MAGI3: variants seen among roughly 807,000 people sequenced by gnomAD.
MAGI3 encodes the protein membrane-associated guanylate kinase, WW and PDZ domain-containing protein 3.
MAGI3 carries 43 observed loss-of-function variants against 121.8 expected under a neutral mutation model. The observed-to-expected ratio is 0.35, with a 90% CI of 0.28 to 0.46. The LOEUF (loss-of-function observed/expected upper bound fraction) is 0.46. MAGI3 is among the 20% of genes least tolerant of loss of function. The pLI is 1.00. For missense variants in MAGI3, 1,547 were observed against 1,797.3 expected, an observed-to-expected ratio of 0.86 and a Z score of 2.52; for synonymous variants, 553 against 639.3, an observed-to-expected ratio of 0.86 and a Z score of 2.04.
chr1:113,608,977 G>A (rs1339019300), intron 6 of MAGI3, among the ~76,000 whole-genome samples: 3 of 152,136 alleles, frequency 2.0e-5, no homozygotes, highest in Non-Finnish European at 4.4e-5. Flanking sequence ...GATCAAAATT[G>A]CATTCAGTAT....
chr1:113,533,148 T>G (rs1018740150), intron 1 of MAGI3, among the ~76,000 whole-genome samples: 1 of 152,222 alleles, frequency 6.6e-6, no homozygotes, highest in East Asian at 1.9e-4. Context: ...TTATATGGTT[T>G]TCTTTTAGCT....
At chr1:113,575,712 G>C (rs1647586123) in intron 2 of MAGI3, among the ~76,000 whole-genome samples, 1 of 152,208 alleles carries the variant, frequency 6.6e-6, no homozygotes. Context: ...AGCAGAGCTT[G>C]AGCAGTGTGC....
intron 1 of MAGI3, among the ~76,000 whole-genome samples, chr1:113,399,468 C>G (rs185064036): frequency 2.7e-4 from 41 of 152,230 alleles, no homozygotes; most frequent in Non-Finnish European, 5.6e-4. Flanking sequence ...CATTTAATCT[C>G]TCTTACTTGG....
chr1:113,536,290 T>C (rs1037655515), intron 1 of MAGI3, among the ~76,000 whole-genome samples: 1 of 152,142 alleles, frequency 6.6e-6, no homozygotes, highest in Non-Finnish European at 1.5e-5. Context: ...CACTGTGTCA[T>C]ACAAAAATTT....
Position 113,659,252 on chromosome 1 carries a change from C to A in MAGI3, c.2802C>A (p.Val934=). The change falls in exon 16 of 21, where the codon GTC becomes GTA. Residue 934 remains valine, a synonymous_variant. Coordinates refer to ENST00000307546, the MANE Select transcript of MAGI3 (RefSeq NM_001142782.2). ...KDAGVTVTLT[V]IAEEEHHGPP... The stretch of plus-strand genomic sequence containing the variant: ...CTGGTGTCACCGTCACACTAACGGT[C>A]ATTGCTGAAGAAGGTAAGGAGCCAG... The A allele has an allele frequency of 3.1e-6, 5 of 1,613,402 alleles. No individual in the cohort carries two copies. The highest frequency in any genetic ancestry group is 1.1e-5 in the South Asian group (1 of 90,858).
At chr1:113,628,124 A>G (rs1201804219) in intron 9 of MAGI3, among the ~76,000 whole-genome samples, 1 of 151,950 alleles carries the variant, frequency 6.6e-6, no homozygotes, top group Non-Finnish European at 1.5e-5. Context: ...CTTTTAGTGA[A>G]GGTGATTTTA....
chr1:113,633,098 C>T (rs1283129495), intron 9 of MAGI3, among the ~76,000 whole-genome samples: 1 of 139,696 alleles, frequency 7.2e-6, no homozygotes, highest in Non-Finnish European at 1.5e-5. Context: ...GTTCCCCTTC[C>T]TGTGTCCATG....
intron 1 of MAGI3, among the ~76,000 whole-genome samples, chr1:113,476,955 T>C (rs1251890370): frequency 6.6e-6 from 1 of 152,268 alleles, no homozygotes; most frequent in African/African-American, 2.4e-5. Context: ...TCTTGTTGAA[T>C]TGATCCCTTT....
In MAGI3 at chr1:113,684,066, A is replaced by G. The variant is rs1648398946; in HGVS notation, c.*52A>G. 6.9e-7 allele frequency: 1 copy of G among 1,440,822 alleles called. No individual in the cohort carries two copies. Among genetic ancestry groups the G allele is most frequent in the Non-Finnish European group, 9.1e-7 (1 of 1,096,784 alleles). 89.3% of individuals were successfully genotyped at this position (1,440,822 alleles called of 1,614,324 possible). ...AGTTGTAATCTTTTCTTACAGCAGC[A>G]TTTTTCCAGAAAAAGCCTTTTTTTT... On this transcript the variant is annotated 3_prime_UTR_variant, in exon 21 of 21. Coordinates refer to ENST00000307546, the MANE Select transcript of MAGI3 (RefSeq NM_001142782.2).
At chr1:113,557,005 GA>G (rs1660020388) in intron 2 of MAGI3, among the ~76,000 whole-genome samples, 1 of 152,182 alleles carries the variant, frequency 6.6e-6, no homozygotes, top group Non-Finnish European at 1.5e-5. Flanking sequence ...ATCTATTAAA[GA>G]AATTGAATTT....
intron 1 of MAGI3, among the ~76,000 whole-genome samples, chr1:113,528,189 CT>C (rs1026201060): frequency 2.0e-5 from 3 of 151,550 alleles, no homozygotes; most frequent in East Asian, 1.9e-4. Flanking sequence ...TTTTTTATGG[CT>C]TTTTTTTCCC....
intron 2 of MAGI3, among the ~76,000 whole-genome samples, chr1:113,564,843 A>G (rs1160997751): frequency 1.3e-5 from 2 of 151,980 alleles, no homozygotes; most frequent in Non-Finnish European, 2.9e-5. Context: ...TTATTTATTT[A>G]TTTTTGATTT....
intron 6 of MAGI3, among the ~76,000 whole-genome samples, chr1:113,599,934 T>C (rs1429469251): frequency 3.9e-5 from 6 of 152,102 alleles, no homozygotes; most frequent in Admixed American, 1.3e-4. Context: ...AATCAATGAA[T>C]GTAATCCAGC....
chr1:113,659,283 G>A lies in MAGI3; in HGVS notation c.2815+18G>A, dbSNP rs777910985. 2.5e-5 allele frequency: 41 copies of A among 1,610,530 alleles called. No individual in the cohort carries two copies. Among genetic ancestry groups the A allele is most frequent in the South Asian group, 1.9e-4 (17 of 90,356 alleles). ...TGAAGAAGGTAAGGAGCCAGTAGAC[G>A]CGCCTGCCCCAAGCTGATCTGAGAG... On this transcript the variant is annotated intron_variant, in intron 16 of 20. Coordinates refer to ENST00000307546, the MANE Select transcript of MAGI3 (RefSeq NM_001142782.2).
intron 2 of MAGI3, 34 bp downstream of exon 2, chr1:113,549,665 G>A (rs779255997): frequency 1.7e-6 from 2 of 1,198,478 alleles, no homozygotes; most frequent in Non-Finnish European, 2.4e-6. Context: ...AACTGAAGCA[G>A]AAATGTCCTT....
At chr1:113,504,072 A>G (rs1186321586) in intron 1 of MAGI3, among the ~76,000 whole-genome samples, 1 of 152,064 alleles carries the variant, frequency 6.6e-6, no homozygotes. Context: ...CAGATGTTAG[A>G]AAGGAGATTT....
At chr1:113,607,782 C>T in intron 6 of MAGI3, among the ~76,000 whole-genome samples, 1 of 152,152 alleles carries the variant, frequency 6.6e-6, no homozygotes, top group East Asian at 1.9e-4. Flanking sequence ...TTCTATCTAT[C>T]TCTCCCTTGC....
intron 9 of MAGI3, among the ~76,000 whole-genome samples, chr1:113,639,103 TG>T (rs1473310404): frequency 9.8e-5 from 15 of 152,346 alleles, no homozygotes; most frequent in African/African-American, 3.1e-4. Flanking sequence ...AGTATTCGGG[TG>T]GGAGTGACCC....
intron 1 of MAGI3, among the ~76,000 whole-genome samples, chr1:113,467,190 C>T (rs1655328033): frequency 6.6e-6 from 1 of 151,784 alleles, no homozygotes; most frequent in Non-Finnish European, 1.5e-5. Flanking sequence ...TTCTTAATTT[C>T]TTCATTGATC....
Sources: gnomAD v4.1 joint callset for allele counts (sites outside exome capture counted in the v4.1 genomes callset) on GRCh38, gnomAD v4.1.1 for gene constraint, MANE v1.5 for transcripts, NCBI Gene and HGNC (gene_info 2026-07-23, HGNC 2026-07-21) for gene names.